Variants in CD2AP observed in about 807,000 individuals in gnomAD.
CD2AP encodes CD2-associated protein.
A neutral mutation model predicts 85.1 loss-of-function variants in CD2AP; 46 were observed. The observed-to-expected ratio is 0.54, with a 90% CI of 0.43 to 0.69. The LOEUF (loss-of-function observed/expected upper bound fraction) is 0.69, where lower values mean the gene tolerates loss of function less well. CD2AP is among the 30% of genes least tolerant of loss of function. The pLI, the probability that CD2AP is intolerant of heterozygous loss-of-function variation, is 0.00. For synonymous variants in CD2AP, 255 were observed against 252.9 expected (o/e 1.01, Z -0.08); for missense variants, 769 against 729.5 (o/e 1.05, Z -0.62).
intron 2 of CD2AP, among the ~76,000 whole-genome samples, chr6:47,520,906 A>G (rs781225141): frequency 5.3e-5 from 8 of 151,412 alleles, no homozygotes; most frequent in African/African-American, 9.7e-5. Context: ...TGGCATTTCT[A>G]TGTTGCAGAC....
intron 17 of CD2AP, among the ~76,000 whole-genome samples, chr6:47,615,343 G>T (rs1769547748): frequency 6.6e-6 from 1 of 152,124 alleles, no homozygotes; most frequent in Admixed American, 6.6e-5. Context: ...GGCTACTCTT[G>T]CATTGCTATA....
intron 17 of CD2AP, among the ~76,000 whole-genome samples, chr6:47,613,727 C>T (rs1040136468): frequency 9.2e-5 from 14 of 152,146 alleles, no homozygotes; most frequent in Admixed American, 2.6e-4. Context: ...TAACAAGAGT[C>T]AGCCTGTCCT....
chr6:47,587,146 G>A (rs1387731239), intron 11 of CD2AP, among the ~76,000 whole-genome samples: 1 of 152,100 alleles, frequency 6.6e-6, no homozygotes, highest in Admixed American at 6.5e-5. Flanking sequence ...AGTTGAGAGA[G>A]GGAGCATTTT....
chr6:47,570,988 A>G (rs1275075210), intron 5 of CD2AP, among the ~76,000 whole-genome samples: 1 of 152,118 alleles, frequency 6.6e-6, no homozygotes, highest in African/African-American at 2.4e-5. Context: ...ACTCTAATAA[A>G]GGTTACAGTC....
chr6:47,554,654 A>C lies in CD2AP; in HGVS notation c.429A>C (p.Glu143Asp), dbSNP rs527243987. 1.2e-6 allele frequency: 2 copies of C among 1,613,726 alleles called. No individual in the cohort carries two copies. The highest frequency in any genetic ancestry group is 2.2e-5 in the East Asian group (1 of 44,802). Residue 143 changes from glutamate to aspartate, a missense_variant, in exon 5 of 18, where the codon GAA becomes GAC. Coordinates refer to ENST00000359314, the MANE Select transcript of CD2AP (RefSeq NM_012120.3). ...ATTGTGAACTTTTTCAGGTAGAAGA[A>C]GGCTGGTGGAGTGGAACCCTGAATA... is the stretch of plus-strand genomic sequence containing the variant. ...DIIDINEEVE[E>D]GWWSGTLNNK...
intron 16 of CD2AP, among the ~76,000 whole-genome samples, chr6:47,610,031 C>T (rs537310528): frequency 6.6e-6 from 1 of 152,068 alleles, no homozygotes; most frequent in Non-Finnish European, 1.5e-5. Flanking sequence ...CTCTAAAACT[C>T]TTCCCTTAAC....
chr6:47,624,445 G>T lies in CD2AP; in HGVS notation c.*218G>T. 2 of 497,484 alleles carry T rather than the reference G, an allele frequency of 4.0e-6. No homozygotes were observed. 30.8% of individuals were successfully genotyped at this position (497,484 alleles called of 1,614,324 possible). A position where few individuals can be genotyped will look rare whatever the true frequency, so the allele number is the denominator to read the frequency against. ...GAGGCCTTATTTCTTAACTGTGCTG[G>T]GATTGCAAACACTTTTTAAAAAATT... On this transcript the variant is annotated 3_prime_UTR_variant, in exon 18 of 18. Coordinates refer to ENST00000359314, the MANE Select transcript of CD2AP (RefSeq NM_012120.3).
chr6:47,569,602 T>A (rs971989459), intron 5 of CD2AP, among the ~76,000 whole-genome samples: 4 of 151,702 alleles, frequency 2.6e-5, no homozygotes, highest in Non-Finnish European at 5.9e-5. Flanking sequence ...CTTCAAGAGT[T>A]CTAGTCTCTT....
intron 12 of CD2AP, among the ~76,000 whole-genome samples, chr6:47,598,511 G>C (rs1295511420): frequency 6.6e-6 from 1 of 150,850 alleles, no homozygotes; most frequent in East Asian, 1.9e-4. Flanking sequence ...AGATGCCCAT[G>C]AATCAACGAG....
At chr6:47,560,032 A>G (rs1767811148) in intron 5 of CD2AP, among the ~76,000 whole-genome samples, 1 of 152,106 alleles carries the variant, frequency 6.6e-6, no homozygotes, top group Non-Finnish European at 1.5e-5. Flanking sequence ...TTTCCATACT[A>G]TTATATTACT....
At chr6:47,619,941 G>GT (rs1349634272) in intron 17 of CD2AP, among the ~76,000 whole-genome samples, 3 of 152,144 alleles carry the variant, frequency 2.0e-5, no homozygotes, top group African/African-American at 7.2e-5. Context: ...ATTTGTTAGG[G>GT]TTTGTTGTAG....
chr6:47,550,312 A>G (rs1767479467), intron 4 of CD2AP, among the ~76,000 whole-genome samples: 1 of 152,232 alleles, frequency 6.6e-6, no homozygotes, highest in Non-Finnish European at 1.5e-5. Context: ...ACATCTGACA[A>G]AGGACTACTA....
chr6:47,610,705 C>A (rs940310782), intron 16 of CD2AP, among the ~76,000 whole-genome samples: 9 of 151,510 alleles, frequency 5.9e-5, no homozygotes, highest in African/African-American at 2.2e-4. Context: ...GATGGTATTT[C>A]TTGGAATCCT....
intron 5 of CD2AP, among the ~76,000 whole-genome samples, chr6:47,559,861 T>C (rs1767803130): frequency 6.6e-6 from 1 of 152,104 alleles, no homozygotes; most frequent in African/African-American, 2.4e-5. Flanking sequence ...ATAGAGCAAG[T>C]TCATAAAAAT....
intron 2 of CD2AP, among the ~76,000 whole-genome samples, chr6:47,531,245 T>C (rs1766866970): frequency 6.6e-6 from 1 of 152,172 alleles, no homozygotes; most frequent in African/African-American, 2.4e-5. Flanking sequence ...TATTTCATGA[T>C]GCTCCTACAC....
chr6:47,505,011 C>CTTTTTT (rs58060161), intron 2 of CD2AP, among the ~76,000 whole-genome samples: 5 of 95,114 alleles, frequency 5.3e-5, no homozygotes, highest in Admixed American at 1.3e-4. Context: ...GTGGCAGTTT[C>CTTTTTT]TTTTTTTTTT....
chr6:47,499,111 T>G (rs1765940040), intron 1 of CD2AP, among the ~76,000 whole-genome samples: 1 of 152,220 alleles, frequency 6.6e-6, no homozygotes, highest in African/African-American at 2.4e-5. Flanking sequence ...TTCCTTACTT[T>G]CTGGCACAAC....
At chr6:47,524,565 T>C (rs1478742044) in intron 2 of CD2AP, among the ~76,000 whole-genome samples, 1 of 152,100 alleles carries the variant, frequency 6.6e-6, no homozygotes. Flanking sequence ...ATTTCAATCA[T>C]TGTGGTATGT....
At chr6:47,494,518 C>T (rs1171652510) in intron 1 of CD2AP, among the ~76,000 whole-genome samples, 1 of 152,204 alleles carries the variant, frequency 6.6e-6, no homozygotes, top group East Asian at 1.9e-4. Flanking sequence ...AGGTGGTATA[C>T]AGCCCCTGAC....
Sources: gnomAD v4.1 joint callset for allele counts (sites outside exome capture counted in the v4.1 genomes callset) on GRCh38, gnomAD v4.1.1 for gene constraint, MANE v1.5 for transcripts, NCBI Gene and HGNC (gene_info 2026-07-23, HGNC 2026-07-21) for gene names.